NCOA3: variants seen among roughly 807,000 people sequenced by gnomAD.
NCOA3 encodes nuclear receptor coactivator 3.
A neutral mutation model predicts 158.8 loss-of-function variants in NCOA3; 51 were observed. That is an observed-to-expected ratio of 0.32 (90% CI 0.26 to 0.41). NCOA3 has a LOEUF of 0.41. NCOA3 is among the 10% of genes least tolerant of loss of function. The probability of loss-of-function intolerance (pLI) is 1.00; values close to 1 mark genes in which losing one functional copy is unlikely to be tolerated. For missense variants in NCOA3, 1,510 were observed against 1,746.6 expected, an observed-to-expected ratio of 0.86 and a Z score of 2.41; for synonymous variants, 537 against 592.4, an observed-to-expected ratio of 0.91 and a Z score of 1.36.
chr20:47,651,828 GTTTT>G (rs796088611), intron 20 of NCOA3, among the ~76,000 whole-genome samples: 3 of 145,944 alleles, frequency 2.1e-5, no homozygotes, highest in African/African-American at 5.0e-5. Context: ...ACCCCCGGCT[GTTTT>G]TTTTTTTAAA....
chr20:47,505,260 A>G (rs1177067564), intron 1 of NCOA3, among the ~76,000 whole-genome samples: 1 of 151,296 alleles, frequency 6.6e-6, no homozygotes, highest in Non-Finnish European at 1.5e-5. Flanking sequence ...AAAGTTTACC[A>G]TGTTGGCCAG....
chr20:47,579,332 T>A (rs2085417697), intron 1 of NCOA3, among the ~76,000 whole-genome samples: 1 of 152,216 alleles, frequency 6.6e-6, no homozygotes, highest in Non-Finnish European at 1.5e-5. Context: ...ACTAGAAAAT[T>A]TAATGTCCCT....
At chr20:47,642,809 T>G (rs2086632067) in intron 17 of NCOA3, among the ~76,000 whole-genome samples, 1 of 152,244 alleles carries the variant, frequency 6.6e-6, no homozygotes, top group South Asian at 2.1e-4. Flanking sequence ...ATGGCCAAGC[T>G]GAACATCCTA....
rs750968859 is a variant in NCOA3 at position 47,636,108 on chromosome 20, T to C, written c.1722T>C (p.Tyr574=). Residue 574 remains tyrosine (Y), a synonymous_variant, in exon 12 of 23, where the codon TAT becomes TAC. Coordinates refer to ENST00000371998, the MANE Select transcript of NCOA3 (RefSeq NM_181659.3). ...ATTCCAAGAGTCCTCTGGGCTTTTA[T>C]TGCGACCAAAATCCAGTGGAGAGTT... ...NQDSKSPLGF[Y]CDQNPVESSM... The C allele has an allele frequency of 1.2e-6, 2 of 1,614,076 alleles. No homozygotes were observed. The highest frequency in any genetic ancestry group is 1.7e-6 in the Non-Finnish European group (2 of 1,180,054).
chr20:47,595,845 C>T (rs1363383313), intron 2 of NCOA3, among the ~76,000 whole-genome samples: 2 of 152,036 alleles, frequency 1.3e-5, no homozygotes, highest in African/African-American at 4.8e-5. Context: ...TTGAACTGTA[C>T]TTTCATCTAG....
chr20:47,637,475 G>GAAGATTAGAGATGGGGGTCATAATA (rs1480575968), intron 12 of NCOA3, among the ~76,000 whole-genome samples, 173 bp from the exon 13 acceptor site: 5 of 152,212 alleles, frequency 3.3e-5, no homozygotes, highest in Non-Finnish European at 7.3e-5. Context: ...CTCAGAGGAG[G>GAAGATTAGAGATGGGGGTCATAATA]AAGATTAGAG....
At chr20:47,571,636 A>T (rs2085297018) in intron 1 of NCOA3, among the ~76,000 whole-genome samples, 1 of 152,158 alleles carries the variant, frequency 6.6e-6, no homozygotes, top group African/African-American at 2.4e-5. Context: ...ATATTCAGTA[A>T]ATCATGCTGT....
chr20:47,509,175 G>T (rs1222789316), intron 1 of NCOA3, among the ~76,000 whole-genome samples: 1 of 152,108 alleles, frequency 6.6e-6, no homozygotes, highest in African/African-American at 2.4e-5. Flanking sequence ...GATCACTTGA[G>T]CCCAGGAATT....
At chr20:47,527,507 A>G (rs559587158) in intron 1 of NCOA3, among the ~76,000 whole-genome samples, 21 of 152,314 alleles carry the variant, frequency 1.4e-4, no homozygotes, top group African/African-American at 4.8e-4. Flanking sequence ...TATATAGACA[A>G]TACATATGGG....
At chr20:47,504,221 T>A (rs1300209420) in intron 1 of NCOA3, among the ~76,000 whole-genome samples, 1 of 152,148 alleles carries the variant, frequency 6.6e-6, no homozygotes, top group African/African-American at 2.4e-5. Flanking sequence ...ATAATTTAAC[T>A]GTATTTTGAA....
intron 1 of NCOA3, among the ~76,000 whole-genome samples, chr20:47,571,933 G>T (rs1005874561): frequency 6.6e-6 from 1 of 152,082 alleles, no homozygotes; most frequent in South Asian, 2.1e-4. Flanking sequence ...TCACCATGTT[G>T]CCCAGGCTGG....
chr20:47,568,007 T>TTTAA (rs1339393253), intron 1 of NCOA3, among the ~76,000 whole-genome samples: 1 of 152,226 alleles, frequency 6.6e-6, no homozygotes, highest in Non-Finnish European at 1.5e-5. Context: ...CCTGGTGGCT[T>TTTAA]TTAAGTCTTT....
intron 1 of NCOA3, among the ~76,000 whole-genome samples, chr20:47,537,410 A>G (rs2084651838): frequency 6.9e-6 from 1 of 145,372 alleles, no homozygotes; most frequent in African/African-American, 2.6e-5. Context: ...ATGTAACTCA[A>G]ACTTTTATTT....
In NCOA3 at chr20:47,642,390, T is replaced by C. The variant is rs753486444; in HGVS notation, c.3252+6T>C. ...TTCCTGAACTTGTCAATCAGGTAGG[T>C]TGCATTAACATGGAAGTAGGAGAGT... On this transcript the variant is annotated splice_donor_region_variant and intron_variant, in intron 17 of 22. Coordinates refer to ENST00000371998, the MANE Select transcript of NCOA3 (RefSeq NM_181659.3). 1.3e-6 allele frequency: 2 copies of C among 1,587,668 alleles called. No homozygotes were observed. Among genetic ancestry groups the C allele is most frequent in the East Asian group, 2.2e-5 (1 of 44,608 alleles).
intron 1 of NCOA3, among the ~76,000 whole-genome samples, chr20:47,526,438 G>A (rs1032397716): frequency 6.6e-6 from 1 of 152,252 alleles, no homozygotes; most frequent in South Asian, 2.1e-4. Flanking sequence ...GTAGCGAGCC[G>A]AGATCACGCC....
Position 47,637,696 on chromosome 20 carries a change from A to G in NCOA3, c.2425A>G (p.Ser809Gly). 1 of 1,611,574 alleles carries G rather than the reference A, an allele frequency of 6.2e-7. No individual in the cohort carries two copies. ...AGATGCTATTCTTGGTGATCTGACT[A>G]GTTCTGACTTTTACAATAATTCCAT... ...NLDAILGDLTSSDFYNNSISS... is the reference protein window; with the variant it reads ...NLDAILGDLTGSDFYNNSISS... Residue 809 changes from serine (S) to glycine (G), a missense_variant, in exon 13 of 23, where the codon AGT (serine) becomes GGT (glycine). Ser to Gly is a moderately conservative substitution (Grantham distance 56). Coordinates refer to ENST00000371998, the MANE Select transcript of NCOA3 (RefSeq NM_181659.3).
intron 1 of NCOA3, among the ~76,000 whole-genome samples, chr20:47,543,636 A>G (rs1406236957): frequency 6.6e-6 from 1 of 151,588 alleles, no homozygotes; most frequent in African/African-American, 2.4e-5. Flanking sequence ...CAGCCTCCCG[A>G]GTAGCTGGGA....
chr20:47,520,459 A>C (rs912324938), intron 1 of NCOA3, among the ~76,000 whole-genome samples: 2 of 152,146 alleles, frequency 1.3e-5, no homozygotes, highest in Non-Finnish European at 2.9e-5. Context: ...TCTTCCCCTG[A>C]GAAGAAAGGA....
rs1397075046 is a variant in NCOA3 at position 47,653,622 on chromosome 20, T to C, written c.*205T>C. Reference sequence around the variant, plus strand: ...TATCTACGTGTTTTTCCCCCCTCCTTCTGCTGTGTATCATGGTGTTCAAAA... The same window carrying C: ...TATCTACGTGTTTTTCCCCCCTCCTCCTGCTGTGTATCATGGTGTTCAAAA... On this transcript the variant is annotated 3_prime_UTR_variant, in exon 23 of 23. Coordinates refer to ENST00000371998, the MANE Select transcript of NCOA3 (RefSeq NM_181659.3). 1 of 642,916 alleles carries C rather than the reference T, an allele frequency of 1.6e-6. No individual in the cohort carries two copies. The highest frequency in any genetic ancestry group is 2.7e-6 in the Non-Finnish European group (1 of 364,900). 39.8% of individuals were successfully genotyped at this position (642,916 alleles called of 1,614,324 possible).
Sources: gnomAD v4.1 joint callset for allele counts (sites outside exome capture counted in the v4.1 genomes callset) on GRCh38, gnomAD v4.1.1 for gene constraint, MANE v1.5 for transcripts, NCBI Gene and HGNC (gene_info 2026-07-23, HGNC 2026-07-21) for gene names.